ADAMTSL1: variants seen among roughly 807,000 people sequenced by gnomAD.
ADAMTSL1 encodes ADAMTS like 1.
In ADAMTSL1, 126 loss-of-function variants were observed where a neutral mutation model predicts 201.8. The ratio of observed to expected loss-of-function variants is 0.62; its 90% CI spans 0.54 to 0.72. The LOEUF (loss-of-function observed/expected upper bound fraction) is 0.72. ADAMTSL1 is among the 30% of genes least tolerant of loss of function. The pLI, the probability that ADAMTSL1 is intolerant of heterozygous loss-of-function variation, is 0.00. For missense variants in ADAMTSL1, 2,679 were observed against 2,277.8 expected, an observed-to-expected ratio of 1.18 and a Z score of -3.59; for synonymous variants, 1,121 against 903.4, an observed-to-expected ratio of 1.24 and a Z score of -4.32.
At chr9:18,495,726 GTTTTTGATGGAC>G (rs1822500572) in intron 1 of ADAMTSL1, among the ~76,000 whole-genome samples, 1 of 152,180 alleles carries the variant, frequency 6.6e-6, no homozygotes, top group Non-Finnish European at 1.5e-5. Flanking sequence ...CAGGTACAGA[GTTTTTGATGGAC>G]TTCATCTCCT....
At chr9:18,033,985 C>G (rs563977367) in intron 1 of ADAMTSL1, among the ~76,000 whole-genome samples, 1 of 152,276 alleles carries the variant, frequency 6.6e-6, no homozygotes, top group East Asian at 1.9e-4. Flanking sequence ...CTTCCCTCCT[C>G]TCTTCTCTCA....
intron 1 of ADAMTSL1, among the ~76,000 whole-genome samples, chr9:17,960,406 A>G (rs1817697600): frequency 1.3e-5 from 2 of 152,200 alleles, no homozygotes; most frequent in South Asian, 4.1e-4. Context: ...CTGTGAAAGA[A>G]GGAGAGAAAG....
At chr9:18,081,308 T>C (rs140279136) in intron 1 of ADAMTSL1, among the ~76,000 whole-genome samples, 20 of 152,362 alleles carry the variant, frequency 1.3e-4, no homozygotes, top group African/African-American at 4.1e-4. Flanking sequence ...GTAATTGTTT[T>C]ACATGTAGTA....
At chr9:18,410,833 C>G (rs1437841981) in intron 2 of ADAMTSL1, among the ~76,000 whole-genome samples, 13 of 141,936 alleles carry the variant, frequency 9.2e-5, no homozygotes, top group South Asian at 2.3e-4. Flanking sequence ...GGTAGATTTT[C>G]TGTCTTCTTC....
At chr9:18,343,459 G>C (rs956595133) in intron 2 of ADAMTSL1, among the ~76,000 whole-genome samples, 14 of 152,100 alleles carry the variant, frequency 9.2e-5, no homozygotes, top group African/African-American at 3.1e-4. Context: ...AGTCCAGCAG[G>C]AGCCAGTTTG....
intron 2 of ADAMTSL1, among the ~76,000 whole-genome samples, chr9:18,447,400 T>G (rs554114634): frequency 1.6e-4 from 24 of 152,184 alleles, no homozygotes; most frequent in Non-Finnish European, 2.5e-4. Context: ...CCGGTAGGAC[T>G]GGCTTCATGC....
At chr9:18,589,284 T>A (rs1427568558) in intron 4 of ADAMTSL1, among the ~76,000 whole-genome samples, 4 of 152,304 alleles carry the variant, frequency 2.6e-5, no homozygotes. Context: ...CTTATACAGA[T>A]CTCTCACTTC....
At chr9:18,523,402 T>C (rs1035743567) in intron 2 of ADAMTSL1, among the ~76,000 whole-genome samples, 3 of 152,332 alleles carry the variant, frequency 2.0e-5, no homozygotes, top group African/African-American at 7.2e-5. Context: ...GCCTGTTCAC[T>C]ATGATGGTAG....
chr9:18,548,486 A>T (rs906423427), intron 3 of ADAMTSL1, among the ~76,000 whole-genome samples: 2 of 152,108 alleles, frequency 1.3e-5, no homozygotes, highest in Non-Finnish European at 2.9e-5. Flanking sequence ...CCTGAATTAC[A>T]GTGCTGTTGG....
chr9:18,572,950 G>A (rs1040128682), intron 3 of ADAMTSL1, among the ~76,000 whole-genome samples: 1 of 152,112 alleles, frequency 6.6e-6, no homozygotes, highest in Non-Finnish European at 1.5e-5. Flanking sequence ...TGTAGAATAA[G>A]ATAAACCTAT....
chr9:17,970,521 A>C (rs1588497632), intron 1 of ADAMTSL1, among the ~76,000 whole-genome samples: 1 of 152,012 alleles, frequency 6.6e-6, no homozygotes, highest in Non-Finnish European at 1.5e-5. Flanking sequence ...GTCACCTTTA[A>C]CTTGATGCTT....
intron 4 of ADAMTSL1, among the ~76,000 whole-genome samples, chr9:18,592,027 C>A (rs1823948212): frequency 1.3e-5 from 2 of 152,188 alleles, no homozygotes; most frequent in South Asian, 4.1e-4. Context: ...AAATTGGGCC[C>A]TTTCTGTTAA....
At chr9:18,007,574 C>T (rs1357563326) in intron 1 of ADAMTSL1, among the ~76,000 whole-genome samples, 2 of 151,874 alleles carry the variant, frequency 1.3e-5, no homozygotes, top group East Asian at 1.9e-4. Context: ...ATTTGTAAAG[C>T]GAGGCAGGTG....
chr9:18,327,265 T>C (rs1172623037), intron 2 of ADAMTSL1, among the ~76,000 whole-genome samples: 1 of 152,222 alleles, frequency 6.6e-6, no homozygotes, highest in African/African-American at 2.4e-5. Flanking sequence ...ATTAGATTTA[T>C]GGGTGTTTGG....
chr9:17,960,741 C>T (rs543536982), intron 1 of ADAMTSL1, among the ~76,000 whole-genome samples: 1 of 152,298 alleles, frequency 6.6e-6, no homozygotes, highest in Non-Finnish European at 1.5e-5. Flanking sequence ...GTCTTTTTAA[C>T]ATTTCATCTC....
At chr9:18,284,148 G>A (rs929215750) in intron 2 of ADAMTSL1, among the ~76,000 whole-genome samples, 11 of 151,278 alleles carry the variant, frequency 7.3e-5, no homozygotes, top group African/African-American at 1.9e-4. Context: ...AGAATTGCTC[G>A]AACCTGGGAG....
chr9:18,647,333 A>G (rs1417724305), intron 7 of ADAMTSL1, among the ~76,000 whole-genome samples: 6 of 149,956 alleles, frequency 4.0e-5, no homozygotes, highest in African/African-American at 1.5e-4. Context: ...CCTTTCAAAA[A>G]ACCAGCTCCT....
At chr9:18,250,341 A>G (rs1283850842) in intron 2 of ADAMTSL1, among the ~76,000 whole-genome samples, 1 of 152,214 alleles carries the variant, frequency 6.6e-6, no homozygotes, top group Admixed American at 6.5e-5. Context: ...GTGTAGGGAC[A>G]GGATTGAATG....
At chr9:18,361,191 A>G (rs966552027) in intron 2 of ADAMTSL1, among the ~76,000 whole-genome samples, 1 of 152,212 alleles carries the variant, frequency 6.6e-6, no homozygotes, top group African/African-American at 2.4e-5. Context: ...ACCATCTGTA[A>G]TGTATCTAGG....
Sources: gnomAD v4.1 joint callset for allele counts (sites outside exome capture counted in the v4.1 genomes callset) on GRCh38, gnomAD v4.1.1 for gene constraint, MANE v1.5 for transcripts, NCBI Gene and HGNC (gene_info 2026-07-23, HGNC 2026-07-21) for gene names.